PIBF1: variants seen among roughly 807,000 people sequenced by gnomAD.
PIBF1 encodes the protein progesterone-induced-blocking factor 1.
In PIBF1, 90 loss-of-function variants were observed where a neutral mutation model predicts 112.5. The ratio of observed to expected loss-of-function variants is 0.80; its 90% CI spans 0.67 to 0.95. The LOEUF is 0.95. PIBF1 is among the 40% of genes least tolerant of loss of function. The pLI, the probability that PIBF1 is intolerant of heterozygous loss-of-function variation, is 0.00. For synonymous variants in PIBF1, 301 were observed against 288.6 expected (o/e 1.04, Z -0.44); for missense variants, 915 against 852.3 (o/e 1.07, Z -0.92).
intron 17 of PIBF1, among the ~76,000 whole-genome samples, chr13:73,009,836 G>C (rs191880535): frequency 3.2e-4 from 49 of 152,318 alleles, no homozygotes; most frequent in African/African-American, 1.2e-3. Context: ...AAACATATTA[G>C]GGGTGGGAGT....
At chr13:72,876,298 CCTT>C (rs2039399926) in intron 10 of PIBF1, among the ~76,000 whole-genome samples, 1 of 151,718 alleles carries the variant, frequency 6.6e-6, no homozygotes, top group African/African-American at 2.4e-5. Context: ...TCTATTTGTC[CCTT>C]CTTTTGCCAA....
At chr13:72,951,780 C>T (rs759827757) in intron 14 of PIBF1, among the ~76,000 whole-genome samples, 1 of 152,122 alleles carries the variant, frequency 6.6e-6, no homozygotes, top group Admixed American at 6.5e-5. Flanking sequence ...CTAAAAATCC[C>T]GTGTTCTGCC....
chr13:72,936,279 T>C (rs544826708), intron 14 of PIBF1, among the ~76,000 whole-genome samples: 2 of 152,154 alleles, frequency 1.3e-5, no homozygotes, highest in East Asian at 3.9e-4. Context: ...CAAGTGATCT[T>C]CCCACCTTGG....
chr13:72,992,792 C>T (rs989486416), intron 16 of PIBF1, among the ~76,000 whole-genome samples: 2 of 150,632 alleles, frequency 1.3e-5, no homozygotes, highest in Non-Finnish European at 3.0e-5. Context: ...GTGATAGAGC[C>T]AGACCTTGTC....
At chr13:72,941,723 T>C (rs1310151526) in intron 14 of PIBF1, among the ~76,000 whole-genome samples, 1 of 152,192 alleles carries the variant, frequency 6.6e-6, no homozygotes, top group East Asian at 1.9e-4. Context: ...TCAAGGTGCA[T>C]AGGTAAAATA....
At chr13:72,858,226 A>G (rs542430736) in intron 10 of PIBF1, among the ~76,000 whole-genome samples, 34 of 151,874 alleles carry the variant, frequency 2.2e-4, no homozygotes, top group African/African-American at 8.2e-4. Flanking sequence ...TAATTTATGT[A>G]TTTTTAGTAA....
intron 11 of PIBF1, among the ~76,000 whole-genome samples, chr13:72,904,429 A>ATTTTTTTTT (rs1240090172): frequency 9.8e-5 from 5 of 51,090 alleles, no homozygotes; most frequent in East Asian, 1.4e-3. Context: ...ATATCAAAAT[A>ATTTTTTTTT]TTTCTTTTTT....
At chr13:72,802,831 G>A (rs939576481) in intron 5 of PIBF1, among the ~76,000 whole-genome samples, 5 of 151,762 alleles carry the variant, frequency 3.3e-5, no homozygotes, top group African/African-American at 1.2e-4. Context: ...AGAGAAGGAA[G>A]ACCACAGCTT....
chr13:72,850,145 T>C (rs1230870650), intron 9 of PIBF1, among the ~76,000 whole-genome samples: 7 of 152,350 alleles, frequency 4.6e-5, no homozygotes, highest in African/African-American at 1.7e-4. Flanking sequence ...GAAGGTGTGG[T>C]ACTTGATAAG....
At chr13:72,835,590 CTT>C (rs56270240) in intron 9 of PIBF1, among the ~76,000 whole-genome samples, 1 of 151,176 alleles carries the variant, frequency 6.6e-6, no homozygotes. Flanking sequence ...CCTGTTATGT[CTT>C]TTTTTTTTAC....
intron 10 of PIBF1, among the ~76,000 whole-genome samples, chr13:72,869,623 AAT>A (rs67181911): frequency 0.28 from 40,759 of 147,700 alleles, 6,692 homozygotes; most frequent in East Asian, 0.47. Flanking sequence ...TAATAATAAT[AAT>A]AAAAAATAAA....
intron 17 of PIBF1, among the ~76,000 whole-genome samples, chr13:73,011,553 T>TG (rs1320516706): frequency 6.6e-6 from 1 of 152,084 alleles, no homozygotes; most frequent in Admixed American, 6.6e-5. Context: ...CTAACTGACC[T>TG]GGGAAAAACT....
chr13:72,935,934 C>A (rs1466773588), intron 14 of PIBF1, among the ~76,000 whole-genome samples: 1 of 152,004 alleles, frequency 6.6e-6, no homozygotes, highest in Non-Finnish European at 1.5e-5. Context: ...AAATACAAGT[C>A]ATTTATCAGA....
chr13:72,981,850 C>A (rs78338489), intron 16 of PIBF1, among the ~76,000 whole-genome samples: 230 of 152,280 alleles, frequency 1.5e-3, no homozygotes, highest in African/African-American at 5.4e-3. Flanking sequence ...GTAAGACTGG[C>A]ATTACCTTTA....
intron 14 of PIBF1, among the ~76,000 whole-genome samples, chr13:72,935,585 G>A (rs184918507): frequency 5.9e-5 from 9 of 152,220 alleles, no homozygotes; most frequent in Admixed American, 2.6e-4. Context: ...GGATCATATC[G>A]TAGGTGTCTA....
rs371363552 is a variant in PIBF1 at position 72,785,947 on chromosome 13, C to T, written c.252+2226C>T. ...GAAATGTTGGTTGATTCATGACAGGCTCTCTAGTGTAACAAATCCAAATTA... is the reference window on the plus strand; with the variant it reads ...GAAATGTTGGTTGATTCATGACAGGTTCTCTAGTGTAACAAATCCAAATTA... On this transcript the variant is annotated intron_variant, in intron 2 of 17. Transcript: ENST00000326291. Among the ~76,000 whole-genome samples the T allele has an allele frequency of 7.9e-5, 12 of 152,282 alleles. No individual in the cohort carries two copies. The East Asian group carries it at 1.9e-3, about 24-fold the overall frequency.
At chr13:72,866,247 G>A (rs2038924083) in intron 10 of PIBF1, among the ~76,000 whole-genome samples, 1 of 152,112 alleles carries the variant, frequency 6.6e-6, no homozygotes, top group South Asian at 2.1e-4. Context: ...CATCTACAAA[G>A]ACTCTTTTTC....
intron 16 of PIBF1, among the ~76,000 whole-genome samples, chr13:72,977,686 GTT>G (rs1284126987): frequency 6.6e-6 from 1 of 152,182 alleles, no homozygotes; most frequent in Non-Finnish European, 1.5e-5. Flanking sequence ...ACCACAGAGA[GTT>G]TTTATTTTCT....
intron 13 of PIBF1, among the ~76,000 whole-genome samples, chr13:72,928,401 A>C (rs1004100925): frequency 2.0e-5 from 3 of 152,092 alleles, no homozygotes; most frequent in Non-Finnish European, 4.4e-5. Flanking sequence ...CTTTTTGAAG[A>C]AAGTAGTCCT....
Sources: gnomAD v4.1 joint callset for allele counts (sites outside exome capture counted in the v4.1 genomes callset) on GRCh38, gnomAD v4.1.1 for gene constraint, MANE v1.5 for transcripts, NCBI Gene and HGNC (gene_info 2026-07-23, HGNC 2026-07-21) for gene names.